The following SAMD3 variants were observed in gnomAD, a reference collection of about 807,000 sequenced individuals.
SAMD3 encodes sterile alpha motif domain containing 3.
Under a neutral mutation model 58.5 loss-of-function variants are expected in SAMD3, and 63 were observed. The observed-to-expected ratio is 1.08, with a 90% CI of 0.88 to 1.33. SAMD3 has a LOEUF of 1.33. SAMD3 is among the 40% of genes most tolerant of loss of function. The pLI is 0.00. For missense variants in SAMD3, 604 were observed against 608.4 expected (o/e 0.99, Z 0.08); for synonymous variants, 220 against 210.3 (o/e 1.05, Z -0.40).
chr6:130,297,865 C>T lies in SAMD3; in HGVS notation c.-188+15113G>A, dbSNP rs1191996866. ...CAGAATTTTAAAAAATGATCAAAGC[C>T]TTAGAGAAATATAGGATTATGTAAA... On this transcript the variant is annotated intron_variant, in intron 2 of 13. Coordinates refer to the SAMD3 transcript ENST00000368134. Among the ~76,000 whole-genome samples, 3 of 152,044 alleles carry T rather than the reference C, an allele frequency of 2.0e-5. No homozygotes were observed. In the East Asian group the frequency reaches 5.8e-4, roughly 29 times the overall value.
intron 8 of SAMD3, among the ~76,000 whole-genome samples, chr6:130,156,747 G>A (rs1159457595): frequency 1.3e-5 from 2 of 152,064 alleles, no homozygotes; most frequent in East Asian, 3.8e-4. Flanking sequence ...TGAGGCTGAG[G>A]GTTACTTGAG....
Position 130,359,869 on chromosome 6 carries a change from T to G in SAMD3, c.-304+5251A>C, listed in dbSNP as rs528244144. Among the ~76,000 whole-genome samples the G allele has an allele frequency of 5.9e-5, 9 of 152,306 alleles. No homozygotes were observed. The East Asian group carries it at 1.7e-3, about 29-fold the overall frequency. On this transcript the variant is annotated intron_variant, in intron 1 of 13. Coordinates refer to the SAMD3 transcript ENST00000368134. ...AGCTTCCAGGGATATGCTAAATCTTTCAATCACTTGGGACCTGTAAAGCAC... is the reference window on the plus strand; with the variant it reads ...AGCTTCCAGGGATATGCTAAATCTTGCAATCACTTGGGACCTGTAAAGCAC...
chr6:130,167,178 A>G (rs1016768754), intron 8 of SAMD3, among the ~76,000 whole-genome samples: 7 of 152,210 alleles, frequency 4.6e-5, no homozygotes, highest in African/African-American at 1.7e-4. Context: ...TTAAAAGGTG[A>G]AACCGAATGA....
chr6:130,153,781 T>C (rs1290015255), intron 9 of SAMD3, among the ~76,000 whole-genome samples: 1 of 151,630 alleles, frequency 6.6e-6, no homozygotes, highest in Non-Finnish European at 1.5e-5. Context: ...GTTTAGGTGA[T>C]CCTCGTGCCT....
chr6:130,337,992 G>C (rs1304023238), intron 1 of SAMD3, among the ~76,000 whole-genome samples: 1 of 152,200 alleles, frequency 6.6e-6, no homozygotes, highest in African/African-American at 2.4e-5. Flanking sequence ...AGGCAATGGG[G>C]AAAATTTCTC....
chr6:130,198,262 G>A (rs375152305), intron 5 of SAMD3, among the ~76,000 whole-genome samples: 18 of 152,216 alleles, frequency 1.2e-4, no homozygotes, highest in Admixed American at 7.2e-4. Context: ...GGAGTGAAGT[G>A]GCACAATGAT....
intron 2 of SAMD3, among the ~76,000 whole-genome samples, chr6:130,287,616 T>G (rs1011420974): frequency 2.6e-5 from 4 of 152,070 alleles, no homozygotes; most frequent in Admixed American, 2.0e-4. Context: ...AGCAAAGGGT[T>G]ATGAAGAGAT....
At chr6:130,183,536 GTCTTTC>G in intron 7 of SAMD3, 1 of 392,074 alleles carries the variant, frequency 2.6e-6, no homozygotes, top group Non-Finnish European at 4.9e-6. Context: ...GTGCAGCCAT[GTCTTTC>G]TCTTTCTATG....
intron 8 of SAMD3, among the ~76,000 whole-genome samples, chr6:130,171,996 A>G (rs1399497747): frequency 6.6e-6 from 1 of 152,096 alleles, no homozygotes; most frequent in Non-Finnish European, 1.5e-5. Flanking sequence ...CTTTGTTGGT[A>G]TAAAGTCTGT....
intron 8 of SAMD3, among the ~76,000 whole-genome samples, chr6:130,162,924 T>C (rs1486330287): frequency 1.3e-5 from 2 of 152,194 alleles, no homozygotes; most frequent in East Asian, 3.9e-4. Context: ...TTTCTAATTT[T>C]TAACAAATTT....
At chr6:130,175,650 G>A in intron 8 of SAMD3, 191 bp downstream of exon 8, 1 of 424,646 alleles carries the variant, frequency 2.4e-6, no homozygotes, top group Non-Finnish European at 4.1e-6. Flanking sequence ...ATTGTTTTGG[G>A]AATTCTTTTC....
At chr6:130,227,030 C>T (rs887824219), upstream of SAMD3, among the ~76,000 whole-genome samples, 1 of 152,112 alleles carries the variant, frequency 6.6e-6, no homozygotes, top group Non-Finnish European at 1.5e-5. Context: ...TAAGTATATT[C>T]ACATTATTGT....
intron 8 of SAMD3, among the ~76,000 whole-genome samples, chr6:130,172,795 T>G (rs1791367261): frequency 6.6e-6 from 1 of 152,190 alleles, no homozygotes; most frequent in Non-Finnish European, 1.5e-5. Flanking sequence ...TAACCAGAAG[T>G]GTGTTTTCCA....
intron 9 of SAMD3, among the ~76,000 whole-genome samples, chr6:130,149,415 A>G (rs531964465): frequency 2.9e-4 from 44 of 152,324 alleles, no homozygotes; most frequent in Admixed American, 3.9e-4. Flanking sequence ...GCATGCACAC[A>G]TATATTCATT....
intron 2 of SAMD3, among the ~76,000 whole-genome samples, chr6:130,295,837 C>T (rs1775550426): frequency 6.6e-6 from 1 of 152,184 alleles, no homozygotes; most frequent in Non-Finnish European, 1.5e-5. Context: ...GCTGCCACTT[C>T]CCTGCCCTTC....
At chr6:130,272,008 A>G (rs1774581618) in intron 2 of SAMD3, among the ~76,000 whole-genome samples, 2 of 152,210 alleles carry the variant, frequency 1.3e-5, no homozygotes, top group Non-Finnish European at 2.9e-5. Context: ...TTGGGTGGGG[A>G]CACAGCCAAA....
intron 8 of SAMD3, among the ~76,000 whole-genome samples, chr6:130,156,159 C>T (rs1184723830): frequency 2.0e-5 from 3 of 151,712 alleles, no homozygotes; most frequent in African/African-American, 4.8e-5. Flanking sequence ...GCCAACATAG[C>T]GAAACCCCAC....
chr6:130,336,053 T>A lies in SAMD3; in HGVS notation c.-303-22960A>T, dbSNP rs562146620. On this transcript the variant is annotated intron_variant, in intron 1 of 13. Transcript: ENST00000368134. ...TGGGGAGGGATAGCATTAGGAGATA[T>A]ACCTAAAGCTAAATGATGAGTTAAT... Among the ~76,000 whole-genome samples the A allele has an allele frequency of 1.5e-4, 23 of 152,240 alleles. 1 individual carries two copies. In the South Asian group the frequency reaches 4.8e-3, roughly 32 times the overall value.
intron 9 of SAMD3, among the ~76,000 whole-genome samples, chr6:130,152,486 GAC>G (rs925850961): frequency 2.6e-5 from 4 of 151,994 alleles, no homozygotes; most frequent in African/African-American, 4.8e-5. Flanking sequence ...AGACCAGCCT[GAC>G]CAACATGGTG....
Sources: gnomAD v4.1 joint callset for allele counts (sites outside exome capture counted in the v4.1 genomes callset) on GRCh38, gnomAD v4.1.1 for gene constraint, MANE v1.5 for transcripts, NCBI Gene and HGNC (gene_info 2026-07-23, HGNC 2026-07-21) for gene names.